The following SPIDR variants were observed in gnomAD, a reference collection of about 807,000 sequenced individuals.
The protein encoded by SPIDR is scaffold protein involved in DNA repair.
SPIDR carries 93 observed loss-of-function variants against 104.6 expected under a neutral mutation model. The ratio of observed to expected loss-of-function variants is 0.89; its 90% confidence interval spans 0.75 to 1.06. SPIDR has a LOEUF of 1.06. SPIDR is among the 50% of genes least tolerant of loss of function. The pLI, the probability that SPIDR is intolerant of heterozygous loss-of-function variation, is 0.00. For missense variants in SPIDR, 1,154 were observed against 1,111.2 expected (o/e 1.04, Z -0.55); for synonymous variants, 431 against 416.9 (o/e 1.03, Z -0.41).
intron 5 of SPIDR, among the ~76,000 whole-genome samples, chr8:47,337,304 AT>A (rs1314902383): frequency 6.6e-6 from 1 of 151,814 alleles, no homozygotes; most frequent in South Asian, 2.1e-4. Flanking sequence ...TAATTGTTTA[AT>A]TTTTTTGTAG....
intron 2 of SPIDR, among the ~76,000 whole-genome samples, chr8:47,280,642 C>A (rs935383227): frequency 4.6e-5 from 7 of 152,136 alleles, no homozygotes; most frequent in Non-Finnish European, 1.0e-4. Context: ...ATCCACCCAC[C>A]TTGGCCTCCA....
chr8:47,272,546 G>A (rs948275550), intron 1 of SPIDR, among the ~76,000 whole-genome samples: 4 of 152,118 alleles, frequency 2.6e-5, no homozygotes, highest in East Asian at 1.9e-4. Context: ...CATCTTTTAC[G>A]GAGGGACTCT....
intron 8 of SPIDR, among the ~76,000 whole-genome samples, chr8:47,544,659 C>A (rs995255029): frequency 3.9e-5 from 6 of 152,192 alleles, no homozygotes; most frequent in African/African-American, 1.4e-4. Context: ...TCACATAGAT[C>A]TATTTCTGGG....
At chr8:47,526,541 G>A (rs2085011001) in intron 8 of SPIDR, among the ~76,000 whole-genome samples, 1 of 152,160 alleles carries the variant, frequency 6.6e-6, no homozygotes, top group South Asian at 2.1e-4. Flanking sequence ...CTTCTTCTTG[G>A]CTGTTTTATG....
At chr8:47,622,805 C>T (rs975989435) in intron 10 of SPIDR, among the ~76,000 whole-genome samples, 1 of 152,150 alleles carries the variant, frequency 6.6e-6, no homozygotes, top group African/African-American at 2.4e-5. Context: ...TAACCTCATA[C>T]ATTAAAAGGC....
At chr8:47,727,742 G>A (rs1200537374) in intron 17 of SPIDR, among the ~76,000 whole-genome samples, 1 of 152,208 alleles carries the variant, frequency 6.6e-6, no homozygotes, top group Non-Finnish European at 1.5e-5. Context: ...AGTGCAGTCT[G>A]TCCCTATGAA....
chr8:47,377,206 A>T (rs2058759136), intron 5 of SPIDR, among the ~76,000 whole-genome samples: 1 of 152,116 alleles, frequency 6.6e-6, no homozygotes, highest in African/African-American at 2.4e-5. Flanking sequence ...ATTTAGCTAT[A>T]CCTGATTACC....
intron 5 of SPIDR, among the ~76,000 whole-genome samples, chr8:47,384,526 T>A (rs1429689179): frequency 2.0e-5 from 3 of 152,222 alleles, no homozygotes; most frequent in African/African-American, 7.2e-5. Flanking sequence ...AACATTTTGT[T>A]TTTTCAGTTA....
intron 8 of SPIDR, among the ~76,000 whole-genome samples, chr8:47,479,232 G>A (rs1554725485): frequency 1.3e-5 from 2 of 151,868 alleles, no homozygotes; most frequent in East Asian, 1.9e-4. Flanking sequence ...GGTGGTGGGC[G>A]CCTGTAATCC....
chr8:47,445,591 A>T lies in SPIDR; in HGVS notation c.1097+5049A>T, dbSNP rs374966233. 3.8e-3 allele frequency among the ~76,000 whole-genome samples: 577 copies of T among 152,360 alleles called. 3 individuals are homozygous for T. The highest frequency in any genetic ancestry group is 0.022 in the South Asian group (107 of 4,832). On this transcript the variant is annotated intron_variant, in intron 8 of 19. Transcript: ENST00000297423. ...TTTAAACCAAAAGCTAGAAATGATT[A>T]AGCTTAGTGAGGAAAGCATGTCAAA...
intron 7 of SPIDR, among the ~76,000 whole-genome samples, chr8:47,436,080 G>A (rs2068258261): frequency 6.6e-6 from 1 of 152,202 alleles, no homozygotes; most frequent in Non-Finnish European, 1.5e-5. Context: ...AAGAGCTGAT[G>A]GCAGTGACAG....
At chr8:47,542,234 C>G (rs1388235042) in intron 8 of SPIDR, among the ~76,000 whole-genome samples, 4 of 147,846 alleles carry the variant, frequency 2.7e-5, no homozygotes, top group Non-Finnish European at 4.5e-5. Flanking sequence ...CTTTCATTTT[C>G]TAATGACTAA....
chr8:47,378,681 A>G lies in SPIDR; in HGVS notation c.526-17695A>G, dbSNP rs1273106971. On this transcript the variant is annotated intron_variant, in intron 5 of 19. Coordinates refer to ENST00000297423, the MANE Select transcript of SPIDR (RefSeq NM_001080394.4). ...CAGTTTACCTCATTTGTCTTCTTTC[A>G]CCCCAAAGTAATCTCATGAGGATTA... Among the ~76,000 whole-genome samples the G allele has an allele frequency of 3.9e-5, 6 of 152,234 alleles. No homozygotes were observed. In the East Asian group the frequency reaches 1.2e-3, roughly 29 times the overall value.
At chr8:47,502,639 G>T (rs1003757336) in intron 8 of SPIDR, among the ~76,000 whole-genome samples, 5 of 151,692 alleles carry the variant, frequency 3.3e-5, no homozygotes, top group Non-Finnish European at 7.4e-5. Flanking sequence ...TATTTCCTTC[G>T]GTTCTGCTCT....
chr8:47,376,671 G>T (rs1281608927), intron 5 of SPIDR, among the ~76,000 whole-genome samples: 1 of 152,084 alleles, frequency 6.6e-6, no homozygotes, highest in Non-Finnish European at 1.5e-5. Flanking sequence ...CCAATAAATA[G>T]TAAGTTGAAT....
intron 7 of SPIDR, among the ~76,000 whole-genome samples, chr8:47,431,274 C>T (rs879951788): frequency 6.6e-6 from 1 of 152,164 alleles, no homozygotes; most frequent in African/African-American, 2.4e-5. Context: ...CCTCATTTAA[C>T]CTCAATTACT....
At chr8:47,665,880 A>ATAGT in intron 10 of SPIDR, among the ~76,000 whole-genome samples, 1 of 152,364 alleles carries the variant, frequency 6.6e-6, no homozygotes, top group East Asian at 1.9e-4. Flanking sequence ...CTAATTTTTG[A>ATAGT]GAAACACCTA....
chr8:47,514,950 CTATT>C (rs768143129), intron 8 of SPIDR, among the ~76,000 whole-genome samples: 1 of 152,120 alleles, frequency 6.6e-6, no homozygotes, highest in South Asian at 2.1e-4. Flanking sequence ...ATTTGAATGG[CTATT>C]TGTTAATCAT....
intron 8 of SPIDR, among the ~76,000 whole-genome samples, chr8:47,530,038 A>G (rs917887217): frequency 6.6e-6 from 1 of 152,244 alleles, no homozygotes; most frequent in Non-Finnish European, 1.5e-5. Context: ...AAGGGCACTT[A>G]TACAAGCCTA....
Sources: gnomAD v4.1 joint callset for allele counts (sites outside exome capture counted in the v4.1 genomes callset) on GRCh38, gnomAD v4.1.1 for gene constraint, MANE v1.5 for transcripts, NCBI Gene and HGNC (gene_info 2026-07-23, HGNC 2026-07-21) for gene names.